The following MZT2B variants were observed in gnomAD, a reference collection of about 807,000 sequenced individuals.
MZT2B encodes mitotic spindle organizing protein 2B.
MZT2B carries 11 observed loss-of-function variants against 12.1 expected under a neutral mutation model. The ratio of observed to expected loss-of-function variants is 0.91; its 90% confidence interval spans 0.57 to 1.50. The LOEUF is 1.50. MZT2B is among the 40% of genes most tolerant of loss of function. The pLI is 0.00. For synonymous variants in MZT2B, 85 were observed against 109.5 expected (o/e 0.78, Z 1.40); for missense variants, 209 against 227.7 (o/e 0.92, Z 0.53).
At chr2:130,184,501 A>G (rs1278503442) in intron 2 of MZT2B, 1 of 985,268 alleles carries the variant, frequency 1.0e-6, no homozygotes. Context: ...AGGTGTCAGC[A>G]GGTGTGATCA....
chr2:130,194,126 G>C, downstream of MZT2B: 1 of 1,614,146 alleles, frequency 6.2e-7, no homozygotes, highest in Non-Finnish European at 8.5e-7. Context: ...CAGGGAGGCC[G>C]TGATGGAGGA....
rs1261087634 is a variant in MZT2B at position 130,183,562 on chromosome 2, C to T, written c.319+787C>T. On this transcript the variant is annotated intron_variant, in intron 2 of 2. Coordinates refer to ENST00000281871, the MANE Select transcript of MZT2B (RefSeq NM_025029.5). ...TCTCTCTGAAATGCAGCACAACCTC[C>T]TAGGCCAATGGAAGAAGGCCCAGAG... is the stretch of plus-strand genomic sequence containing the variant. The T allele has an allele frequency of 6.9e-6, 5 of 719,540 alleles. No homozygotes were observed. The Admixed American group carries it at 1.1e-4, about 15-fold the overall frequency. 44.6% of individuals were successfully genotyped at this position (719,540 alleles called of 1,614,324 possible). A position where few individuals can be genotyped will look rare whatever the true frequency, so the allele number is the denominator to read the frequency against.
chr2:130,183,059 C>T lies in MZT2B; in HGVS notation c.319+284C>T, dbSNP rs1181736514. The T allele has an allele frequency of 2.5e-5, 14 of 557,860 alleles. No individual in the cohort carries two copies. In the East Asian group the frequency reaches 3.6e-4, roughly 14 times the overall value. The allele number at this position is 557,860 out of a possible 1,614,324, so 34.6% of individuals were successfully genotyped here. On this transcript the variant is annotated intron_variant, in intron 2 of 2. Coordinates refer to ENST00000281871, the MANE Select transcript of MZT2B (RefSeq NM_025029.5). ...CCACCTCTTCACTCAGGCCTTCATCCTACAACGTCGGGAATCAAGACAGTT... is the reference window on the plus strand; with the variant it reads ...CCACCTCTTCACTCAGGCCTTCATCTTACAACGTCGGGAATCAAGACAGTT...
upstream of MZT2B, chr2:130,181,842 T>A (rs927383662): frequency 1.3e-6 from 2 of 1,540,150 alleles, no homozygotes; most frequent in Non-Finnish European, 1.8e-6. Flanking sequence ...TAAGCAGTAT[T>A]GTTGATTAGT....
chr2:130,191,866 C>G (rs1376385373), downstream of MZT2B: 2 of 1,612,762 alleles, frequency 1.2e-6, no homozygotes, highest in Non-Finnish European at 8.5e-7. Flanking sequence ...TCAGCTTCCA[C>G]GGAATCCACG....
intron 2 of MZT2B, among the ~76,000 whole-genome samples, chr2:130,185,838 A>G (rs113588012): frequency 6.6e-6 from 1 of 151,840 alleles, no homozygotes; most frequent in African/African-American, 2.4e-5. Flanking sequence ...GAGTGCTGGG[A>G]CCCTCAGGGT....
chr2:130,200,731 T>G, the MZT2B span, among the ~76,000 whole-genome samples: 8 of 152,222 alleles, frequency 5.3e-5, no homozygotes, highest in Admixed American at 1.3e-4. Flanking sequence ...TTGGAGGACT[T>G]TGGAACAGTC....
rs577395191 is a variant in MZT2B, at chr2:130,186,610, A to G, written c.319+3835A>G. On this transcript the variant is annotated intron_variant, in intron 2 of 2. Transcript: ENST00000281871. Reference sequence around the variant, plus strand: ...GGTCATTGCACTGCGTGTGGTATGCACAGCAGATGCCAAATGACCGGTACA... The same window carrying G: ...GGTCATTGCACTGCGTGTGGTATGCGCAGCAGATGCCAAATGACCGGTACA... Among the ~76,000 whole-genome samples the G allele has an allele frequency of 3.9e-5, 6 of 152,340 alleles. No individual in the cohort carries two copies. In the East Asian group the frequency reaches 9.6e-4, roughly 24 times the overall value.
upstream of MZT2B, chr2:130,181,737 G>T (rs536338783): frequency 6.5e-7 from 1 of 1,548,460 alleles, no homozygotes; most frequent in Non-Finnish European, 8.7e-7. Flanking sequence ...GCAGGAGTGC[G>T]GGGGAGGGAG....
At chr2:130,188,179 G>A (rs570805861) in intron 2 of MZT2B, 2 of 152,944 alleles carry the variant, frequency 1.3e-5, no homozygotes, top group East Asian at 3.9e-4. Flanking sequence ...GCAGCAAGCT[G>A]AAGGGAAGCC....
Position 130,184,635 on chromosome 2 carries a change from G to A in MZT2B, c.319+1860G>A, listed in dbSNP as rs948578036. The A allele has an allele frequency of 4.1e-6, 4 of 985,246 alleles. No homozygotes were observed. The African/African-American group carries it at 5.2e-5, about 13-fold the overall frequency. 61.0% of individuals were successfully genotyped at this position (985,246 alleles called of 1,614,324 possible). A position where few individuals can be genotyped will look rare whatever the true frequency, so the allele number is the denominator to read the frequency against. ...CGGACCCAAGGGAGGGTGGAGAGGG[G>A]CTGAGGGACAGGCCTGGAGTAGGGG... On this transcript the variant is annotated intron_variant, in intron 2 of 2. Coordinates refer to ENST00000281871, the MANE Select transcript of MZT2B (RefSeq NM_025029.5).
At chr2:130,187,937 C>G (rs563562364) in intron 2 of MZT2B, among the ~76,000 whole-genome samples, 15 of 151,990 alleles carry the variant, frequency 9.9e-5, no homozygotes, top group African/African-American at 3.4e-4. Context: ...CCAGCTACAT[C>G]GGAGGCTGAG....
At chr2:130,196,196 T>C in the MZT2B span, 94 of 1,613,878 alleles carry the variant, frequency 5.8e-5, no homozygotes, top group South Asian at 3.7e-4. Flanking sequence ...GGGCACGTGC[T>C]TGCCAGCTCC....
intron 2 of MZT2B, chr2:130,183,850 C>T (rs1362966960): frequency 1.2e-5 from 18 of 1,550,544 alleles, no homozygotes; most frequent in Admixed American, 7.8e-5. Context: ...TCCTCCAGCC[C>T]GCAGCCTGCG....
At chr2:130,181,802 T>G (rs1391912497), upstream of MZT2B, 43 of 1,545,944 alleles carry the variant, frequency 2.8e-5, no homozygotes, top group Non-Finnish European at 3.4e-5. Context: ...CCCAAGGTAC[T>G]TTCTCCCCAG....
the MZT2B span, among the ~76,000 whole-genome samples, chr2:130,201,605 A>C: frequency 7.2e-5 from 11 of 152,318 alleles, no homozygotes; most frequent in East Asian, 2.1e-3. Context: ...GACACCATTC[A>C]GTCCATAGCC....
At chr2:130,202,414 G>A in the MZT2B span, 1 of 1,290,718 alleles carries the variant, frequency 7.7e-7, no homozygotes, top group Non-Finnish European at 1.0e-6. Context: ...CGCATGGTGT[G>A]GCAGGAGAAG....
chr2:130,182,589 C>T (rs1327848993), intron 1 of MZT2B, 38 bp from the exon 2 acceptor site: 3 of 1,558,742 alleles, frequency 1.9e-6, no homozygotes, highest in East Asian at 2.4e-5. Flanking sequence ...CCGCGCCGGG[C>T]GGAGAGGGCT....
downstream of MZT2B, chr2:130,195,336 G>A (rs964930566): frequency 1.0e-5 from 15 of 1,464,236 alleles, no homozygotes; most frequent in Non-Finnish European, 1.3e-5. Context: ...CAAAGTACAT[G>A]ACCTACATGT....
Sources: allele counts gnomAD v4.1 joint callset (sites outside exome capture counted in the v4.1 genomes callset), GRCh38; gene constraint gnomAD v4.1.1; transcripts MANE v1.5; gene names NCBI Gene and HGNC (gene_info 2026-07-23, HGNC 2026-07-21).